The following ZNRF2 variants were observed in gnomAD, a reference collection of about 807,000 sequenced individuals.
ZNRF2 encodes zinc and ring finger 2, also known as E3 ubiquitin-protein ligase ZNRF2.
ZNRF2 carries 16 observed loss-of-function variants against 20.4 expected under a neutral mutation model. The ratio of observed to expected loss-of-function variants is 0.79; its 90% confidence interval spans 0.53 to 1.19. ZNRF2 has a LOEUF of 1.19. Among genes scored for constraint, ZNRF2 ranks in the 50% most tolerant of loss-of-function variants. The probability of loss-of-function intolerance (pLI) is 0.00; values close to 1 mark genes in which losing one functional copy is unlikely to be tolerated. For missense variants in ZNRF2, 363 were observed against 332.4 expected (o/e 1.09, Z -0.72); for synonymous variants, 178 against 144.9 (o/e 1.23, Z -1.64).
chr7:30,324,846 A>G (rs981126210), intron 2 of ZNRF2, among the ~76,000 whole-genome samples: 1 of 152,224 alleles, frequency 6.6e-6, no homozygotes, highest in African/African-American at 2.4e-5. Flanking sequence ...TGAAGGGAAC[A>G]TATATGAGGA....
At chr7:30,295,014 G>GGAGGGA (rs1798987520) in intron 1 of ZNRF2, among the ~76,000 whole-genome samples, 2 of 25,206 alleles carry the variant, frequency 7.9e-5, no homozygotes, top group African/African-American at 2.2e-4. Flanking sequence ...AGGGAGGGAA[G>GGAGGGA]GAGAGAGAGA....
intron 1 of ZNRF2, among the ~76,000 whole-genome samples, chr7:30,306,885 A>T (rs1295072140): frequency 6.6e-6 from 1 of 152,144 alleles, no homozygotes; most frequent in Non-Finnish European, 1.5e-5. Context: ...ACTACTAGAA[A>T]GTTGGCTGCC....
At chr7:30,362,258 T>G in intron 3 of ZNRF2, 119 bp from the exon 4 acceptor site, 1 of 586,028 alleles carries the variant, frequency 1.7e-6, no homozygotes, top group Non-Finnish European at 2.8e-6. Context: ...CAAATATAAT[T>G]TAAAATGCTC....
intron 1 of ZNRF2, among the ~76,000 whole-genome samples, chr7:30,294,053 A>G (rs921617751): frequency 5.3e-5 from 8 of 152,024 alleles, no homozygotes; most frequent in South Asian, 4.1e-4. Flanking sequence ...GGGTCTCGCT[A>G]TATTGCCCAG....
In ZNRF2 at chr7:30,366,987, TA is replaced by T. The variant is rs1395254169; in HGVS notation, c.*978del. 6.6e-6 allele frequency: 1 copy of T among 152,540 alleles called. No individual in the cohort carries two copies. Among genetic ancestry groups the T allele is most frequent in the African/African-American group, 2.4e-5 (1 of 41,450 alleles). 9.4% of individuals were successfully genotyped at this position (152,540 alleles called of 1,614,324 possible). On this transcript the variant is annotated 3_prime_UTR_variant, in exon 5 of 5. Coordinates refer to ENST00000323037, the MANE Select transcript of ZNRF2 (RefSeq NM_147128.4). ...TTTGGGTAAAATGTTTAGCAGGCTG[TA>T]AACTTAAGAAAAGGGTAAAATAAAA...
chr7:30,323,633 G>GT lies in ZNRF2; in HGVS notation c.470-3dup. 6.4e-7 allele frequency: 1 copy of GT among 1,561,186 alleles called. No homozygotes were observed. ...TAGTTAAGTAACTTGAGTTTCTTTT[G>GT]TTTTTTAGGATTTAAGTGCCCTGTA... On this transcript the variant is annotated splice_polypyrimidine_tract_variant and intron_variant, in intron 1 of 4. Transcript: ENST00000323037.
intron 1 of ZNRF2, among the ~76,000 whole-genome samples, chr7:30,312,042 A>G (rs567992418): frequency 3.2e-4 from 48 of 152,184 alleles, no homozygotes; most frequent in Non-Finnish European, 5.7e-4. Context: ...AAATAATTCT[A>G]TCAAATTTTG....
rs1178861005 is a variant in ZNRF2 at position 30,285,135 on chromosome 7, C to T, written c.-223C>T. ...GGACCCCTTCCTCTCCGCGTCTCCT[C>T]GTCTCCCGCGCCCGCGTCAGGCCGT... On this transcript the variant is annotated 5_prime_UTR_variant, in exon 1 of 5. Coordinates refer to ENST00000323037, the MANE Select transcript of ZNRF2 (RefSeq NM_147128.4). 2 of 417,330 alleles carry T rather than the reference C, an allele frequency of 4.8e-6. No homozygotes were observed. Among genetic ancestry groups the T allele is most frequent in the Admixed American group, 5.6e-5 (2 of 35,906 alleles). 25.9% of individuals were successfully genotyped at this position (417,330 alleles called of 1,614,324 possible). A position where few individuals can be genotyped will look rare whatever the true frequency, so the allele number is the denominator to read the frequency against.
intron 4 of ZNRF2, among the ~76,000 whole-genome samples, chr7:30,365,147 CTTTTTTTTTTTTTTTT>C (rs533354831): frequency 1.4e-5 from 1 of 70,330 alleles, no homozygotes; most frequent in South Asian, 4.6e-4. Flanking sequence ...AGCTGATAAG[CTTTTTTTTTTTTTTTT>C]TTTTTTTTTG....
At chr7:30,296,170 G>C (rs1211689653) in intron 1 of ZNRF2, among the ~76,000 whole-genome samples, 1 of 152,180 alleles carries the variant, frequency 6.6e-6, no homozygotes, top group Non-Finnish European at 1.5e-5. Context: ...TATTGCTCTA[G>C]AAAGAAGTGG....
chr7:30,299,734 T>TA lies in ZNRF2; in HGVS notation c.469+13909dup, dbSNP rs1473374144. Among the ~76,000 whole-genome samples the TA allele has an allele frequency of 3.3e-5, 5 of 152,232 alleles. No individual in the cohort carries two copies. The East Asian group carries it at 7.7e-4, about 23-fold the overall frequency. On this transcript the variant is annotated intron_variant, in intron 1 of 4. Coordinates refer to ENST00000323037, the MANE Select transcript of ZNRF2 (RefSeq NM_147128.4). The stretch of plus-strand genomic sequence containing the variant: ...TATGTGATTTTGTGATGGAGGCTGT[T>TA]ATTGGCAAGAATGTGGTCATACTGT...
intron 1 of ZNRF2, among the ~76,000 whole-genome samples, chr7:30,298,429 C>G (rs550318904): frequency 4.6e-4 from 70 of 152,212 alleles, no homozygotes; most frequent in South Asian, 1.2e-3. Flanking sequence ...TGGAAGCTCT[C>G]TGTGCATGTA....
chr7:30,348,692 G>A (rs1799917527), intron 2 of ZNRF2, among the ~76,000 whole-genome samples: 1 of 152,086 alleles, frequency 6.6e-6, no homozygotes, highest in Non-Finnish European at 1.5e-5. Context: ...ACATGTACCG[G>A]TTTGCTTCCA....
chr7:30,299,694 A>G (rs987249714), intron 1 of ZNRF2, among the ~76,000 whole-genome samples: 4 of 151,954 alleles, frequency 2.6e-5, no homozygotes, highest in African/African-American at 7.3e-5. Flanking sequence ...CATAGAAAAA[A>G]GTAGTTTCAT....
At position 30,355,620 on chromosome 7, in the gene ZNRF2, T is replaced by C. The variant is rs185457958; in HGVS notation, c.566-108T>C. The C allele has an allele frequency of 5.7e-4, 437 of 770,334 alleles. 2 individuals carry two copies. The African/African-American group carries it at 7.0e-3, about 12-fold the overall frequency. 47.7% of individuals were successfully genotyped at this position (770,334 alleles called of 1,614,324 possible). On this transcript the variant is annotated intron_variant, in intron 2 of 4. Coordinates refer to ENST00000323037, the MANE Select transcript of ZNRF2 (RefSeq NM_147128.4). ...TTTATGTATTTCTGGCGAAAAGATA[T>C]GCCAAGTAAGGTGGAATCACAACTT...
intron 2 of ZNRF2, among the ~76,000 whole-genome samples, chr7:30,344,431 C>T (rs1383696934): frequency 1.3e-5 from 2 of 149,426 alleles, no homozygotes; most frequent in Non-Finnish European, 3.0e-5. Flanking sequence ...CTATTTTTCT[C>T]CTTCCTTCCC....
At position 30,362,461 on chromosome 7, in the gene ZNRF2, T is replaced by C; in HGVS notation, c.*22+5T>C. 6.6e-7 allele frequency: 1 copy of C among 1,521,066 alleles called. No individual in the cohort carries two copies. The highest frequency in any genetic ancestry group is 8.9e-7 in the Non-Finnish European group (1 of 1,122,928). 94.2% of individuals were successfully genotyped at this position (1,521,066 alleles called of 1,614,324 possible). ...CGTCAGCTTCCTGTTTTATAGGTAA[T>C]TTTTTTTGTAATTACTTTTTAAAGC... On this transcript the variant is annotated splice_donor_5th_base_variant and intron_variant, in intron 4 of 4. Transcript: ENST00000323037.
chr7:30,353,741 A>AT (rs999112289), intron 2 of ZNRF2, among the ~76,000 whole-genome samples: 71 of 149,060 alleles, frequency 4.8e-4, no homozygotes, highest in Middle Eastern at 3.4e-3. Context: ...TGGTGGAAGC[A>AT]TTTTTTTTTT....
intron 4 of ZNRF2, among the ~76,000 whole-genome samples, chr7:30,364,598 GGTTTGGAATGCCTTCATT>G (rs1270092228): frequency 3.3e-5 from 5 of 152,152 alleles, no homozygotes; most frequent in Admixed American, 6.6e-5. Context: ...CCATAGAAAA[GGTTTGGAATGCCTTCATT>G]GTCACCTTAT....
Sources: gnomAD v4.1 joint callset for allele counts (sites outside exome capture counted in the v4.1 genomes callset) on GRCh38, gnomAD v4.1.1 for gene constraint, MANE v1.5 for transcripts, NCBI Gene and HGNC (gene_info 2026-07-23, HGNC 2026-07-21) for gene names.